Variants in UNC13C observed in about 807,000 individuals in gnomAD.
UNC13C encodes the protein protein unc-13 homolog C.
In UNC13C, 174 loss-of-function variants were observed where a neutral mutation model predicts 245.4. The ratio of observed to expected loss-of-function variants is 0.71; its 90% CI spans 0.63 to 0.80. The LOEUF is 0.80. Among genes scored for constraint, UNC13C ranks in the 30% least tolerant of loss-of-function variants. The pLI is 0.00. For synonymous variants in UNC13C, 992 were observed against 895.1 expected (o/e 1.11, Z -1.93); for missense variants, 2,829 against 2,602.9 (o/e 1.09, Z -1.89).
rs74375800 is a variant in UNC13C at position 53,990,760 on chromosome 15, C to T, written c.-257+11833C>T. 0.015 allele frequency among the ~76,000 whole-genome samples: 2,323 copies of T among 152,030 alleles called. 112 individuals carry two copies. The East Asian group carries it at 0.19, about 13-fold the overall frequency. ...TTTCCTCAGTGGCTTAACTGGGTGA[C>T]GATGTATTTCTCCTTGTCCCTATCA... On this transcript the variant is annotated intron_variant, in intron 1 of 32. Transcript: ENST00000260323.
the UNC13C span, among the ~76,000 whole-genome samples, chr15:53,894,785 A>T: frequency 1.6e-4 from 24 of 152,210 alleles, no homozygotes; most frequent in Admixed American, 1.3e-3. Context: ...AGTTTTTTAT[A>T]ATTTTGTAAA....
At chr15:54,393,723 G>A (rs973656956) in intron 18 of UNC13C, among the ~76,000 whole-genome samples, 2 of 151,816 alleles carry the variant, frequency 1.3e-5, no homozygotes, top group African/African-American at 4.8e-5. Context: ...TATTCTAGAA[G>A]AGACCGTAAA....
chr15:54,541,267 C>T (rs7168929), intron 26 of UNC13C, among the ~76,000 whole-genome samples: 21,370 of 151,928 alleles, frequency 0.14, 2,224 homozygotes, highest in African/African-American at 0.28. Context: ...ATGTTATCCA[C>T]TGTAATTATA....
At chr15:54,522,983 T>C (rs62022404) in intron 24 of UNC13C, among the ~76,000 whole-genome samples, 7,572 of 152,280 alleles carry the variant, frequency 0.05, 321 homozygotes, top group Admixed American at 0.12. Flanking sequence ...ATACTACTTA[T>C]ATAACTAGGA....
intron 20 of UNC13C, among the ~76,000 whole-genome samples, chr15:54,496,675 A>G (rs938431698): frequency 6.6e-5 from 10 of 152,156 alleles, no homozygotes; most frequent in African/African-American, 9.7e-5. Flanking sequence ...AGCAACCTGG[A>G]TGGAACTGGA....
chr15:53,956,820 C>A, the UNC13C span, among the ~76,000 whole-genome samples: 16,835 of 150,622 alleles, frequency 0.11, 1,259 homozygotes, highest in East Asian at 0.31. Flanking sequence ...TGTCATGGAA[C>A]TGACAGGGAG....
chr15:54,284,124 C>T (rs1181690720), intron 10 of UNC13C, among the ~76,000 whole-genome samples: 5 of 151,994 alleles, frequency 3.3e-5, no homozygotes, highest in South Asian at 2.1e-4. Context: ...GTTCTATGGA[C>T]GGGTAAATTT....
At position 54,297,926 on chromosome 15, in the gene UNC13C, G is replaced by A; in HGVS notation, c.4104G>A (p.Glu1368=). Residue 1368 remains glutamate (E), a splice_region_variant and synonymous_variant, in exon 12 of 33, where the codon GAG becomes GAA. Transcript: ENST00000260323. The stretch of plus-strand genomic sequence containing the variant: ...ATATTCAATATACATGTTTACATGA[G>A]GTAAATAAATGGAATTTTACTAATA... The part of the protein sequence containing the change: ...PYHIQYTCLH[E]NLFHYLTEVK... 1.3e-6 allele frequency: 2 copies of A among 1,531,256 alleles called. No individual in the cohort carries two copies. Among genetic ancestry groups the A allele is most frequent in the Non-Finnish European group, 8.9e-7 (1 of 1,121,954 alleles). 94.9% of individuals were successfully genotyped at this position (1,531,256 alleles called of 1,614,324 possible).
chr15:54,143,951 C>T (rs1372356281), intron 4 of UNC13C, among the ~76,000 whole-genome samples: 1 of 152,090 alleles, frequency 6.6e-6, no homozygotes, highest in Non-Finnish European at 1.5e-5. Context: ...ATTATCATTA[C>T]ATACCCAAAT....
chr15:54,224,616 C>T (rs1302198455), intron 4 of UNC13C, among the ~76,000 whole-genome samples: 6 of 151,834 alleles, frequency 4.0e-5, no homozygotes, highest in African/African-American at 1.2e-4. Flanking sequence ...TTTTTTTGTT[C>T]ATGTGTCTTT....
chr15:54,021,854 T>C lies in UNC13C; in HGVS notation c.2983+5968T>C, dbSNP rs535973940. On this transcript the variant is annotated intron_variant, in intron 2 of 32. Transcript: ENST00000260323. ...TTAGAAACACAAACCTTTACCAGTG[T>C]GTTACAATTGTCTACAGTAATCACT... is the stretch of plus-strand genomic sequence containing the variant. Among the ~76,000 whole-genome samples the C allele has an allele frequency of 1.2e-4, 19 of 152,360 alleles. No homozygotes were observed. In the South Asian group the frequency reaches 2.9e-3, roughly 23 times the overall value.
At chr15:54,526,372 A>G (rs1895459114) in intron 25 of UNC13C, among the ~76,000 whole-genome samples, 1 of 152,190 alleles carries the variant, frequency 6.6e-6, no homozygotes, top group Admixed American at 6.5e-5. Context: ...TTTGCTTTAA[A>G]TATTAGTTAA....
At chr15:54,495,911 C>A (rs908136746) in intron 20 of UNC13C, among the ~76,000 whole-genome samples, 1 of 151,692 alleles carries the variant, frequency 6.6e-6, no homozygotes, top group African/African-American at 2.4e-5. Context: ...CTTAAAAATG[C>A]CGTACTATGG....
chr15:54,567,844 G>A lies in UNC13C; in HGVS notation c.6003G>A (p.Leu2001=). The A allele has an allele frequency of 6.2e-7, 1 of 1,603,644 alleles. No homozygotes were observed. Among genetic ancestry groups the A allele is most frequent in the Non-Finnish European group, 8.5e-7 (1 of 1,174,398 alleles). The stretch of plus-strand genomic sequence containing the variant: ...GAAATGGCCTGAAAAAGAATTTCTT[G>A]GAGAAAAGCCCAGATCTTCAGTCTC... The part of the protein sequence containing the change: ...AGGNGLKKNF[L]EKSPDLQSLR... The change falls in exon 30 of 33, where the codon TTG becomes TTA. Residue 2001 remains leucine (L), a synonymous_variant. Coordinates refer to ENST00000260323, the MANE Select transcript of UNC13C (RefSeq NM_001080534.3).
intron 28 of UNC13C, among the ~76,000 whole-genome samples, chr15:54,552,525 A>G (rs1227031856): frequency 3.0e-5 from 2 of 65,930 alleles, no homozygotes; most frequent in African/African-American, 1.6e-4. Flanking sequence ...TATATTATAT[A>G]TAATAATATA....
chr15:54,357,726 T>A (rs2039128727), intron 17 of UNC13C, among the ~76,000 whole-genome samples: 1 of 151,970 alleles, frequency 6.6e-6, no homozygotes, highest in Non-Finnish European at 1.5e-5. Flanking sequence ...AGGGGAAAAA[T>A]ACAAACACAT....
intron 21 of UNC13C, 144 bp from the exon 22 acceptor site, chr15:54,500,691 G>C (rs1894168040): frequency 1.5e-6 from 1 of 656,588 alleles, no homozygotes; most frequent in Admixed American, 3.1e-5. Flanking sequence ...GGAGATTAAT[G>C]ATTTTAAAGT....
chr15:53,946,446 T>TC, the UNC13C span, among the ~76,000 whole-genome samples: 1 of 82,200 alleles, frequency 1.2e-5, no homozygotes, highest in Non-Finnish European at 2.8e-5. Flanking sequence ...GGTGTTCTTT[T>TC]TTTTGTTTTT....
At chr15:54,520,087 G>A (rs780882804) in intron 24 of UNC13C, among the ~76,000 whole-genome samples, 2 of 152,080 alleles carry the variant, frequency 1.3e-5, no homozygotes, top group Non-Finnish European at 2.9e-5. Flanking sequence ...TCATATTTGG[G>A]TTTATTACAC....
Sources: gnomAD v4.1 joint callset for allele counts (sites outside exome capture counted in the v4.1 genomes callset) on GRCh38, gnomAD v4.1.1 for gene constraint, MANE v1.5 for transcripts, NCBI Gene and HGNC (gene_info 2026-07-23, HGNC 2026-07-21) for gene names.